RGS6: variants seen among roughly 807,000 people sequenced by gnomAD.
The protein encoded by RGS6 is regulator of G-protein signaling 6.
RGS6 carries 30 observed loss-of-function variants against 78.5 expected under a neutral mutation model. The ratio of observed to expected loss-of-function variants is 0.38; its 90% CI spans 0.29 to 0.52. The LOEUF (loss-of-function observed/expected upper bound fraction) is 0.52. RGS6 is among the 20% of genes least tolerant of loss of function. The pLI, the probability that RGS6 is intolerant of heterozygous loss-of-function variation, is 0.85. For synonymous variants in RGS6, 206 were observed against 206.0 expected, an observed-to-expected ratio of 1.00 and a Z score of 0.00; for missense variants, 495 against 609.7, an observed-to-expected ratio of 0.81 and a Z score of 1.98.
At chr14:72,416,358 T>C (rs1028091195) in intron 3 of RGS6, among the ~76,000 whole-genome samples, 1 of 152,194 alleles carries the variant, frequency 6.6e-6, no homozygotes, top group Non-Finnish European at 1.5e-5. Flanking sequence ...CCTTTTCTTC[T>C]TGTCCCCTGC....
intron 2 of RGS6, among the ~76,000 whole-genome samples, chr14:72,102,501 TTTC>T (rs1481514276): frequency 5.3e-5 from 8 of 152,346 alleles, no homozygotes; most frequent in African/African-American, 1.9e-4. Flanking sequence ...TTTTAGATAC[TTTC>T]TTTTAATCAC....
chr14:72,439,038 C>A (rs1380645369), intron 3 of RGS6, among the ~76,000 whole-genome samples: 2 of 152,234 alleles, frequency 1.3e-5, no homozygotes, highest in African/African-American at 2.4e-5. Context: ...CCATCTCCTT[C>A]TTGTTCCTGA....
chr14:72,178,658 G>T (rs1275347901), intron 2 of RGS6, among the ~76,000 whole-genome samples: 1 of 152,148 alleles, frequency 6.6e-6, no homozygotes, highest in Non-Finnish European at 1.5e-5. Flanking sequence ...AAAGGGAAGG[G>T]TTTTGCCAAA....
chr14:72,253,899 A>G (rs983587438), intron 2 of RGS6, among the ~76,000 whole-genome samples: 1 of 152,204 alleles, frequency 6.6e-6, no homozygotes, highest in Non-Finnish European at 1.5e-5. Flanking sequence ...GTACTGATAC[A>G]GGTCTATCTG....
intron 2 of RGS6, among the ~76,000 whole-genome samples, chr14:72,111,783 G>A (rs531055483): frequency 6.6e-6 from 1 of 152,262 alleles, no homozygotes; most frequent in East Asian, 1.9e-4. Flanking sequence ...GCCATTCAGT[G>A]CGCACTCAAA....
chr14:72,027,542 G>A (rs554474028), intron 2 of RGS6, among the ~76,000 whole-genome samples: 2 of 151,572 alleles, frequency 1.3e-5, no homozygotes, highest in South Asian at 2.1e-4. Context: ...TTACTACCCT[G>A]TTGTAGCCCA....
chr14:72,440,278 C>G (rs1184765365), intron 3 of RGS6, among the ~76,000 whole-genome samples: 1 of 152,182 alleles, frequency 6.6e-6, no homozygotes, highest in African/African-American at 2.4e-5. Flanking sequence ...GGATTTATTT[C>G]TCCCTCCCCT....
chr14:71,996,187 C>G (rs978897346), intron 2 of RGS6, among the ~76,000 whole-genome samples: 12 of 149,570 alleles, frequency 8.0e-5, no homozygotes, highest in Non-Finnish European at 1.6e-4. Context: ...GGGACACTGA[C>G]AAAGCCCAGA....
chr14:71,958,411 T>C (rs529225391), intron 1 of RGS6, among the ~76,000 whole-genome samples: 32 of 152,324 alleles, frequency 2.1e-4, no homozygotes, highest in African/African-American at 7.5e-4. Context: ...CCTGTTGTGG[T>C]TGCTGTAATG....
chr14:72,065,902 C>T (rs1171914685), intron 2 of RGS6, among the ~76,000 whole-genome samples: 1 of 151,864 alleles, frequency 6.6e-6, no homozygotes, highest in East Asian at 1.9e-4. Context: ...AGGTATATCT[C>T]CCGATGCTAT....
the RGS6 span, among the ~76,000 whole-genome samples, chr14:71,923,506 A>T: frequency 2.6e-4 from 39 of 152,296 alleles, no homozygotes; most frequent in African/African-American, 8.7e-4. Flanking sequence ...GGATTGATTG[A>T]GCCCAGGAGT....
At chr14:72,148,578 G>T (rs1567313165) in intron 2 of RGS6, among the ~76,000 whole-genome samples, 1 of 152,154 alleles carries the variant, frequency 6.6e-6, no homozygotes, top group Non-Finnish European at 1.5e-5. Context: ...TAATTCAGGT[G>T]GACCCCTTAA....
upstream of RGS6, among the ~76,000 whole-genome samples, chr14:71,930,560 CAT>C (rs1243909030): frequency 6.6e-6 from 1 of 151,940 alleles, no homozygotes; most frequent in Non-Finnish European, 1.5e-5. Context: ...TCTGATTTCA[CAT>C]ATTTTTTTTT....
At chr14:72,614,578 C>T in the RGS6 span, among the ~76,000 whole-genome samples, 14 of 152,122 alleles carry the variant, frequency 9.2e-5, no homozygotes, top group Admixed American at 5.9e-4. Flanking sequence ...CAGGCATGAT[C>T]CAGCCCTCCC....
At chr14:72,314,646 T>G (rs1022633527) in intron 2 of RGS6, among the ~76,000 whole-genome samples, 1 of 152,184 alleles carries the variant, frequency 6.6e-6, no homozygotes, top group Non-Finnish European at 1.5e-5. Flanking sequence ...CCTCTAATCT[T>G]GAGTTTAGAG....
the RGS6 span, among the ~76,000 whole-genome samples, chr14:71,925,150 T>A: frequency 6.6e-6 from 1 of 152,240 alleles, no homozygotes; most frequent in Non-Finnish European, 1.5e-5. Context: ...TTGGTTTGCA[T>A]TTCTCTGATG....
chr14:71,886,789 A>G, the RGS6 span, among the ~76,000 whole-genome samples: 1 of 152,328 alleles, frequency 6.6e-6, no homozygotes, highest in African/African-American at 2.4e-5. Flanking sequence ...AGGGCATATC[A>G]GTTAGAGATT....
At chr14:72,379,112 G>A (rs1347005789) in intron 3 of RGS6, among the ~76,000 whole-genome samples, 1 of 152,086 alleles carries the variant, frequency 6.6e-6, no homozygotes, top group Non-Finnish European at 1.5e-5. Context: ...TGGAGAAAAA[G>A]CATTCAATAC....
chr14:72,472,662 G>C (rs1274809447), intron 8 of RGS6, among the ~76,000 whole-genome samples: 1 of 152,030 alleles, frequency 6.6e-6, no homozygotes, highest in East Asian at 1.9e-4. Flanking sequence ...CCTAAAACAA[G>C]TTCTCTTACC....
Sources: gnomAD v4.1 joint callset for allele counts (sites outside exome capture counted in the v4.1 genomes callset) on GRCh38, gnomAD v4.1.1 for gene constraint, MANE v1.5 for transcripts, NCBI Gene and HGNC (gene_info 2026-07-23, HGNC 2026-07-21) for gene names.